The following TCOF1 variants were observed in gnomAD, a reference collection of about 807,000 sequenced individuals.
TCOF1 encodes the protein treacle protein.
A neutral mutation model predicts 149.0 loss-of-function variants in TCOF1; 33 were observed. That is an observed-to-expected ratio of 0.22 (90% CI 0.17 to 0.30). TCOF1 has a LOEUF of 0.30. Ranked by LOEUF, TCOF1 falls within the 10% of genes least tolerant of loss-of-function variation. TCOF1 has a pLI of 1.00. For synonymous variants in TCOF1, 789 were observed against 738.8 expected, an observed-to-expected ratio of 1.07 and a Z score of -1.10; for missense variants, 1,728 against 1,840.7, an observed-to-expected ratio of 0.94 and a Z score of 1.12.
intron 5 of TCOF1, among the ~76,000 whole-genome samples, 155 bp from the exon 6 acceptor site, chr5:150,369,374 G>C (rs1762035933): frequency 6.6e-6 from 1 of 152,246 alleles, no homozygotes; most frequent in Non-Finnish European, 1.5e-5. Flanking sequence ...ACCCACCTCA[G>C]AAGGGGGCTT....
intron 1 of TCOF1, among the ~76,000 whole-genome samples, chr5:150,359,834 A>G: frequency 6.6e-6 from 1 of 152,236 alleles, no homozygotes. Flanking sequence ...GGTGCTTGCT[A>G]TAAAAGGCAG....
rs367577679 is a variant in TCOF1 at position 150,392,748 on chromosome 5, C to T, written c.3561C>T (p.Thr1187=). ...PSRTETLVEE[T]AAESSEDDVV... ...GGACAGAGACCCTGGTGGAGGAGAC[C>T]GCAGCAGAGTCCAGCGAGGATGATG... The change falls in exon 22 of 27, where the codon ACC becomes ACT. Residue 1187 remains threonine (T), a synonymous_variant. Transcript: ENST00000643257. The T allele has an allele frequency of 2.5e-5, 41 of 1,613,960 alleles. 1 individual carries two copies. Among genetic ancestry groups the T allele is most frequent in the South Asian group, 1.8e-4 (16 of 91,092 alleles).
chr5:150,396,434 C>G lies in TCOF1; in HGVS notation c.3937C>G (p.Gln1313Glu), dbSNP rs768624184. Reference sequence around the variant, plus strand: ...CTGGCCCCTGAATGAGGCCCAGGTGCAGGCCTCAGTGGTGAAGGTCCTGAC... The same window carrying G: ...CTGGCCCCTGAATGAGGCCCAGGTGGAGGCCTCAGTGGTGAAGGTCCTGAC... ...QPWPLNEAQVQASVVKVLTEL... is the reference protein window; with the variant it reads ...QPWPLNEAQVEASVVKVLTEL... Residue 1313 changes from glutamine (Q) to glutamate (E), a missense_variant, in exon 24 of 27, where the codon CAG (glutamine) becomes GAG (glutamate). Transcript: ENST00000643257. The G allele has an allele frequency of 2.2e-5, 35 of 1,613,922 alleles. No individual in the cohort carries two copies. The highest frequency in any genetic ancestry group is 3.3e-5 in the Admixed American group (2 of 60,000).
At chr5:150,387,191 AC>A (rs932211430) in intron 17 of TCOF1, among the ~76,000 whole-genome samples, 2 of 152,248 alleles carry the variant, frequency 1.3e-5, no homozygotes, top group Non-Finnish European at 2.9e-5. Flanking sequence ...AAGTTGATCT[AC>A]CCAGTCAGTG....
intron 17 of TCOF1, among the ~76,000 whole-genome samples, chr5:150,381,886 T>G (rs1026600775): frequency 2.0e-5 from 3 of 152,228 alleles, no homozygotes; most frequent in Admixed American, 2.0e-4. Flanking sequence ...ATAGCAGGGC[T>G]GCAGCATCTC....
rs997547513 is a variant in TCOF1, at chr5:150,374,778, G to C, written c.1245G>C (p.Glu415Asp). The C allele has an allele frequency of 3.1e-6, 5 of 1,612,662 alleles. No homozygotes were observed. The African/African-American group carries it at 6.7e-5, about 22-fold the overall frequency. ...KREEDSQSSSEESDSEEEAPA... is the reference protein window; with the variant it reads ...KREEDSQSSSDESDSEEEAPA... ...AGGAGGACTCGCAGAGCAGCAGCGA[G>C]GAATCGGACAGTGAGGAGGAGGCGC... is the stretch of plus-strand genomic sequence containing the variant. Residue 415 changes from glutamate (E) to aspartate (D), a missense_variant, in exon 9 of 27, where the codon GAG (glutamate) becomes GAC (aspartate). Coordinates refer to ENST00000643257, the MANE Select transcript of TCOF1 (RefSeq NM_001371623.1).
intron 17 of TCOF1, chr5:150,380,143 G>T: frequency 4.2e-6 from 1 of 235,808 alleles, no homozygotes; most frequent in Non-Finnish European, 8.5e-6. Context: ...AAGAAAGGAA[G>T]GCCAGGTTAA....
intron 24 of TCOF1, among the ~76,000 whole-genome samples, chr5:150,397,784 C>T (rs369320559): frequency 3.3e-5 from 5 of 152,074 alleles, no homozygotes; most frequent in South Asian, 4.1e-4. Context: ...AATAAATTTG[C>T]GGGAGTTTTA....
At position 150,375,359 on chromosome 5, in the gene TCOF1, C is replaced by G; in HGVS notation, c.1509C>G (p.Ser503Arg). The change falls in exon 11 of 27, where the codon AGC becomes AGG. Residue 503 changes from serine to arginine, a missense_variant. Ser to Arg is a moderately radical substitution (Grantham distance 110, BLOSUM62 -1). Coordinates refer to ENST00000643257, the MANE Select transcript of TCOF1 (RefSeq NM_001371623.1). ...NAAQVKPLGKSPQVKPASTMG... is the reference protein window; with the variant it reads ...NAAQVKPLGKRPQVKPASTMG... ...CCCAGGTGAAGCCCTTGGGGAAAAGCCCCCAGGTGAAACCTGCCTCTACCA... is the reference window on the plus strand; with the variant it reads ...CCCAGGTGAAGCCCTTGGGGAAAAGGCCCCAGGTGAAACCTGCCTCTACCA... The G allele has an allele frequency of 6.2e-7, 1 of 1,611,808 alleles. No homozygotes were observed. Among genetic ancestry groups the G allele is most frequent in the Admixed American group, 1.7e-5 (1 of 60,004 alleles).
At position 150,372,172 on chromosome 5, in the gene TCOF1, A is replaced by G; in HGVS notation, c.806A>G (p.Glu269Gly). The G allele has an allele frequency of 6.2e-7, 1 of 1,614,136 alleles. No homozygotes were observed. Among genetic ancestry groups the G allele is most frequent in the South Asian group, 1.1e-5 (1 of 91,078 alleles). ...PAKRAKKPEE[E>G]SESSEEGSES... Reference sequence around the variant, plus strand: ...AAGAGGGCCAAGAAGCCAGAAGAGGAGTCAGAGAGTAGTGAGGAGGGATCT... The same window carrying G: ...AAGAGGGCCAAGAAGCCAGAAGAGGGGTCAGAGAGTAGTGAGGAGGGATCT... Residue 269 changes from glutamate (E) to glycine (G), a missense_variant, in exon 7 of 27, where the codon GAG (glutamate) becomes GGG (glycine). Glu to Gly is a moderately conservative substitution (Grantham distance 98). Coordinates refer to ENST00000643257, the MANE Select transcript of TCOF1 (RefSeq NM_001371623.1).
intron 6 of TCOF1, among the ~76,000 whole-genome samples, chr5:150,371,141 C>T (rs537935424): frequency 2.6e-4 from 40 of 152,254 alleles, no homozygotes; most frequent in African/African-American, 9.6e-4. Flanking sequence ...CAAGGGAAAA[C>T]CAGCACAAGT....
Position 150,398,346 on chromosome 5 carries a change from TC to T in TCOF1, c.4346-5del. 6.2e-7 allele frequency: 1 copy of T among 1,611,734 alleles called. No individual in the cohort carries two copies. The highest frequency in any genetic ancestry group is 8.5e-7 in the Non-Finnish European group (1 of 1,179,620). The stretch of plus-strand genomic sequence containing the variant: ...TGTTGTTCAGGAACTTTACTTTACT[TC>T]CCTTAGGAAAAAAAGACAAAGAAAA... On this transcript the variant is annotated splice_region_variant and splice_polypyrimidine_tract_variant and intron_variant, in intron 24 of 26. Transcript: ENST00000643257.
At position 150,374,374 on chromosome 5, in the gene TCOF1, G is replaced by A. The variant is rs373668575; in HGVS notation, c.1071G>A (p.Lys357=). ...GTGAGGAGGAGACGCCAGCTGCCAAGGCCCTGCTTCAGGTGAGGCCTGAGG... is the reference window on the plus strand; with the variant it reads ...GTGAGGAGGAGACGCCAGCTGCCAAAGCCCTGCTTCAGGTGAGGCCTGAGG... ...SDSEEETPAA[K]ALLQAKASGK... is the part of the protein sequence containing the mutation. The change falls in exon 8 of 27, where the codon AAG becomes AAA. Residue 357 remains lysine, a synonymous_variant. Transcript: ENST00000643257. 1.9e-6 allele frequency: 3 copies of A among 1,554,764 alleles called. No individual in the cohort carries two copies. Among genetic ancestry groups the A allele is most frequent in the African/African-American group, 2.7e-5 (2 of 73,030 alleles).
rs1223831855 is a variant in TCOF1, at chr5:150,372,153, G to T, written c.787G>T (p.Ala263Ser). Residue 263 changes from alanine (A) to serine (S), a missense_variant, in exon 7 of 27, where the codon GCC becomes TCC. Around this residue, in one of 2 missense-constraint regions of TCOF1, gnomAD observed 1,696 missense variants for 1,765.4 expected, o/e 0.96. Transcript: ENST00000643257. Reference protein sequence around the residue: ...KGGALPPAKRAKKPEEESESS... With the variant: ...KGGALPPAKRSKKPEEESESS... ...AGGGGCCCTGCCCCCAGCCAAGAGG[G>T]CCAAGAAGCCAGAAGAGGAGTCAGA... 5 of 1,614,090 alleles carry T rather than the reference G, an allele frequency of 3.1e-6. No individual in the cohort carries two copies. In the Admixed American group the frequency reaches 8.3e-5, roughly 27 times the overall value.
In TCOF1 at chr5:150,364,231, G is replaced by C; in HGVS notation, c.283G>C (p.Glu95Gln). The C allele has an allele frequency of 6.2e-7, 1 of 1,614,200 alleles. No individual in the cohort carries two copies. The part of the protein sequence containing the change: ...SESSEEEEEA[E>Q]AETAKATPRL... ...GAGCTCGGAAGAGGAGGAAGAAGCA[G>C]AAGCCGAAACCGCCAAAGCCAGTAA... Residue 95 changes from glutamate (E) to glutamine (Q), a missense_variant, in exon 3 of 27, where the codon GAA becomes CAA. Transcript: ENST00000643257.
Position 150,389,872 on chromosome 5 carries a change from C to G in TCOF1, c.3047-15C>G. On this transcript the variant is annotated splice_polypyrimidine_tract_variant and intron_variant, in intron 18 of 26. Coordinates refer to ENST00000643257, the MANE Select transcript of TCOF1 (RefSeq NM_001371623.1). ...CTTTTGTGCCCTGATGTGCCCCCAT[C>G]TCGCTCCATTTCAGGCATCAGAACC... 4.3e-6 allele frequency: 7 copies of G among 1,614,218 alleles called. No homozygotes were observed. The highest frequency in any genetic ancestry group is 5.9e-6 in the Non-Finnish European group (7 of 1,180,042).
In TCOF1 at chr5:150,374,960, C is replaced by A; in HGVS notation, c.1285C>A (p.Pro429Thr). The A allele has an allele frequency of 1.9e-6, 3 of 1,609,706 alleles. No individual in the cohort carries two copies. Among genetic ancestry groups the A allele is most frequent in the Non-Finnish European group, 2.5e-6 (3 of 1,178,584 alleles). ...ATCCTGTTTCTCACTCCAGGCGAAG[C>A]CTTCAGGGAAGGCCCCCCAGGTCAG... is the stretch of plus-strand genomic sequence containing the variant. ...SEEEAPAQAK[P>T]SGKAPQVRAA... is the part of the protein sequence containing the mutation. Residue 429 changes from proline to threonine, a missense_variant, in exon 10 of 27, where the codon CCT (proline) becomes ACT (threonine). Transcript: ENST00000643257.
At chr5:150,368,323 G>T (rs550881379) in intron 4 of TCOF1, 24 of 351,986 alleles carry the variant, frequency 6.8e-5, no homozygotes, top group African/African-American at 4.8e-4. Context: ...ACTGGAAACT[G>T]CTCAAAAAAC....
At chr5:150,364,359 G>C in intron 3 of TCOF1, 107 bp downstream of exon 3, 1 of 1,529,456 alleles carries the variant, frequency 6.5e-7, no homozygotes, top group Non-Finnish European at 8.9e-7. Flanking sequence ...AAAGACCCTG[G>C]GGAGGAGATT....
Sources: allele counts gnomAD v4.1 joint callset (sites outside exome capture counted in the v4.1 genomes callset), GRCh38; gene constraint gnomAD v4.1.1; regional missense constraint gnomAD v4.1.1; transcripts MANE v1.5; gene names NCBI Gene and HGNC (gene_info 2026-07-23, HGNC 2026-07-21).